The following ODAD2 variants were observed in gnomAD, a reference collection of about 807,000 sequenced individuals.
The protein encoded by ODAD2 is outer dynein arm docking complex subunit 2.
A neutral mutation model predicts 106.8 loss-of-function variants in ODAD2; 89 were observed. The observed-to-expected ratio is 0.83, with a 90% CI of 0.70 to 0.99. The LOEUF is 0.99. Among genes scored for constraint, ODAD2 ranks in the 50% least tolerant of loss-of-function variants. The pLI is 0.00. For synonymous variants in ODAD2, 404 were observed against 436.2 expected, an observed-to-expected ratio of 0.93 and a Z score of 0.92; for missense variants, 1,168 against 1,238.5, an observed-to-expected ratio of 0.94 and a Z score of 0.85.
intron 17 of ODAD2, among the ~76,000 whole-genome samples, chr10:27,882,173 AAAAGAAAGAAAGAAAG>A (rs377482668): frequency 1.5e-3 from 160 of 109,746 alleles, no homozygotes; most frequent in Middle Eastern, 8.7e-3. Flanking sequence ...GTCATAAAAA[AAAAGAAAGAAAGAAAG>A]AAAGAAAGAA....
chr10:27,841,332 C>A (rs936765500), intron 19 of ODAD2, among the ~76,000 whole-genome samples: 1 of 152,162 alleles, frequency 6.6e-6, no homozygotes, highest in Non-Finnish European at 1.5e-5. Context: ...ATTTCTCATG[C>A]GCTTACAGCT....
intron 16 of ODAD2, among the ~76,000 whole-genome samples, chr10:27,913,956 T>C (rs899387591): frequency 5.3e-5 from 8 of 152,228 alleles, no homozygotes; most frequent in Middle Eastern, 6.8e-3. Context: ...ACAACTAACA[T>C]TTAACCCAGC....
rs532971960 is a variant in ODAD2, at chr10:27,994,908, A to G, written c.224+11T>C. The G allele has an allele frequency of 6.2e-7, 1 of 1,613,378 alleles. No homozygotes were observed. The highest frequency in any genetic ancestry group is 2.2e-5 in the East Asian group (1 of 44,874). The stretch of plus-strand genomic sequence containing the variant: ...AAGATATCAAATCCTAGAAGCAAGT[A>G]ACTGGCTTACCTGACAACATAACCT... On this transcript the variant is annotated intron_variant, in intron 2 of 19. Transcript: ENST00000305242.
At position 27,987,415 on chromosome 10, in the gene ODAD2, T is replaced by C. The variant is rs773226329; in HGVS notation, c.353A>G (p.Lys118Arg). 6.2e-7 allele frequency: 1 copy of C among 1,613,640 alleles called. No individual in the cohort carries two copies. Among genetic ancestry groups the C allele is most frequent in the Non-Finnish European group, 8.5e-7 (1 of 1,179,794 alleles). ...SRLLLIAKTG[K>R]LKEAQACVEA... ...AACACATGCTTGGGCTTCCTTCAACTTCCCAGTTTTGGCAATAAGTAACAA... is the reference window on the plus strand; with the variant it reads ...AACACATGCTTGGGCTTCCTTCAACCTCCCAGTTTTGGCAATAAGTAACAA... The change falls in exon 3 of 20, where the codon AAG (lysine) becomes AGG (arginine). Residue 118 changes from lysine (K) to arginine (R), a missense_variant. Physicochemically the swap from Lys to Arg is conservative, Grantham distance 26 (BLOSUM62 2). Transcript: ENST00000305242.
chr10:27,972,288 A>G (rs1177684630), intron 7 of ODAD2, among the ~76,000 whole-genome samples: 1 of 152,184 alleles, frequency 6.6e-6, no homozygotes, highest in Non-Finnish European at 1.5e-5. Context: ...AAGAAATATA[A>G]CTAGTAAACC....
At chr10:27,961,764 T>A (rs370903148) in intron 9 of ODAD2, 49 bp from the exon 10 acceptor site, 27 of 1,548,448 alleles carry the variant, frequency 1.7e-5, no homozygotes, top group South Asian at 1.7e-4. Flanking sequence ...AGTGTGGAGA[T>A]CTATTAAGAC....
chr10:27,930,360 A>T (rs1845526612), intron 16 of ODAD2, among the ~76,000 whole-genome samples: 2 of 152,102 alleles, frequency 1.3e-5, no homozygotes, highest in Non-Finnish European at 2.9e-5. Flanking sequence ...TGTCTTTACA[A>T]AAAAATTTTT....
At chr10:27,891,202 T>C (rs930928420) in intron 17 of ODAD2, among the ~76,000 whole-genome samples, 2 of 152,190 alleles carry the variant, frequency 1.3e-5, no homozygotes, top group Non-Finnish European at 2.9e-5. Flanking sequence ...GTCAGGAAAC[T>C]GGCCTCATCC....
chr10:27,971,505 T>A (rs1848861544), intron 7 of ODAD2, among the ~76,000 whole-genome samples, 192 bp from the exon 8 acceptor site: 1 of 152,130 alleles, frequency 6.6e-6, no homozygotes, highest in Non-Finnish European at 1.5e-5. Context: ...TAACGTGATG[T>A]TCCTAAACTC....
Position 27,862,619 on chromosome 10 carries a change from C to T in ODAD2, c.2614G>A (p.Ala872Thr), listed in dbSNP as rs1357627547. The change falls in exon 18 of 20, where the codon GCT becomes ACT. Residue 872 changes from alanine (A) to threonine (T), a missense_variant. By Grantham distance (58) the Ala-to-Thr change is moderately conservative. Around this residue, in one of 3 missense-constraint regions of ODAD2, gnomAD observed 701 missense variants for 712.3 expected, o/e 0.98. Transcript: ENST00000305242. ...ACAAAGGAACGAACCATTTCCCCAGCATCCTAGACAAAAATAAAAGTAAAG... is the reference window on the plus strand; with the variant it reads ...ACAAAGGAACGAACCATTTCCCCAGTATCCTAGACAAAAATAAAAGTAAAG... ...LCPCIKNAKDAGEMVRSFVGG... is the reference protein window; with the variant it reads ...LCPCIKNAKDTGEMVRSFVGG... 6.3e-7 allele frequency: 1 copy of T among 1,588,532 alleles called. No homozygotes were observed. The highest frequency in any genetic ancestry group is 1.8e-5 in the Admixed American group (1 of 54,766).
chr10:27,984,675 A>G (rs1849764289), intron 4 of ODAD2, among the ~76,000 whole-genome samples: 1 of 152,026 alleles, frequency 6.6e-6, no homozygotes, highest in South Asian at 2.1e-4. Context: ...ATTGCATGAA[A>G]CCCCACCAGA....
chr10:27,852,443 T>A (rs1839328253), intron 19 of ODAD2, among the ~76,000 whole-genome samples: 1 of 152,252 alleles, frequency 6.6e-6, no homozygotes, highest in South Asian at 2.1e-4. Flanking sequence ...TATATGTTTA[T>A]ATGTATAACA....
At chr10:27,826,278 A>G (rs1837033671) in intron 19 of ODAD2, among the ~76,000 whole-genome samples, 1 of 152,168 alleles carries the variant, frequency 6.6e-6, no homozygotes, top group African/African-American at 2.4e-5. Flanking sequence ...TAGTGATATT[A>G]CAAATTGAAA....
At chr10:27,961,438 G>A (rs575778496) in intron 10 of ODAD2, 130 bp downstream of exon 10, 3 of 947,638 alleles carry the variant, frequency 3.2e-6, no homozygotes, top group Non-Finnish European at 4.7e-6. Flanking sequence ...CACAAACTTA[G>A]ATAAAACAAC....
chr10:27,911,524 T>C (rs1348903990), intron 16 of ODAD2, among the ~76,000 whole-genome samples: 4 of 152,168 alleles, frequency 2.6e-5, no homozygotes, highest in African/African-American at 9.7e-5. Context: ...TAATAAATGC[T>C]GCAATAGATG....
chr10:27,848,665 C>T (rs539050175), intron 19 of ODAD2, among the ~76,000 whole-genome samples: 1 of 152,116 alleles, frequency 6.6e-6, no homozygotes, highest in African/African-American at 2.4e-5. Flanking sequence ...ACCCATCTGA[C>T]GAAGGGCTAA....
chr10:27,924,614 GAAAAAAAAAAA>G (rs60226782), intron 16 of ODAD2, among the ~76,000 whole-genome samples: 6 of 12,640 alleles, frequency 4.7e-4, no homozygotes, highest in African/African-American at 1.3e-3. Context: ...TGATTAGGAG[GAAAAAAAAAAA>G]AAAAAAAAAA....
At chr10:27,980,402 T>C (rs1480266297) in intron 7 of ODAD2, among the ~76,000 whole-genome samples, 1 of 152,134 alleles carries the variant, frequency 6.6e-6, no homozygotes, top group Admixed American at 6.5e-5. Flanking sequence ...TAAGGCAACC[T>C]GCAGAACAAG....
At chr10:27,832,992 A>C (rs544212470) in intron 19 of ODAD2, among the ~76,000 whole-genome samples, 1 of 152,336 alleles carries the variant, frequency 6.6e-6, no homozygotes, top group South Asian at 2.1e-4. Flanking sequence ...GGCTTTTCCA[A>C]CTTGGCAGGG....
Sources: gnomAD v4.1 joint callset for allele counts (sites outside exome capture counted in the v4.1 genomes callset) on GRCh38, gnomAD v4.1.1 for gene constraint, gnomAD v4.1.1 regional missense constraint, MANE v1.5 for transcripts, NCBI Gene and HGNC (gene_info 2026-07-23, HGNC 2026-07-21) for gene names.